Variants in WBP2NL observed in about 807,000 individuals in gnomAD.
The protein encoded by WBP2NL is WBP2 N-terminal like.
A neutral mutation model predicts 23.3 loss-of-function variants in WBP2NL; 27 were observed. That is an observed-to-expected ratio of 1.16 (90% CI 0.85 to 1.60). The LOEUF (loss-of-function observed/expected upper bound fraction) is 1.60, where lower values mean the gene tolerates loss of function less well. Ranked by LOEUF, WBP2NL falls within the 40% of genes most tolerant of loss-of-function variation. The probability of loss-of-function intolerance (pLI) is 0.00; values close to 1 mark genes in which losing one functional copy is unlikely to be tolerated. For missense variants in WBP2NL, 370 were observed against 389.5 expected (o/e 0.95, Z 0.42); for synonymous variants, 151 against 145.9 (o/e 1.03, Z -0.25).
At chr22:42,011,954 T>A (rs905134349) in intron 1 of WBP2NL, among the ~76,000 whole-genome samples, 2 of 152,018 alleles carry the variant, frequency 1.3e-5, no homozygotes, top group Admixed American at 1.3e-4. Flanking sequence ...TTTGAATGTT[T>A]ATACTAGAGA....
intron 4 of WBP2NL, among the ~76,000 whole-genome samples, chr22:42,021,904 C>G (rs1015468019): frequency 6.6e-6 from 1 of 151,728 alleles, no homozygotes; most frequent in Admixed American, 6.6e-5. Flanking sequence ...TCAAGCAATC[C>G]TCCTGCCTCA....
intron 1 of WBP2NL, among the ~76,000 whole-genome samples, chr22:42,016,392 C>G (rs1022504469): frequency 2.0e-5 from 3 of 152,216 alleles, no homozygotes; most frequent in African/African-American, 7.2e-5. Flanking sequence ...ACAAGTCAAA[C>G]TACAATTTTT....
intron 8 of WBP2NL, among the ~76,000 whole-genome samples, chr22:42,053,909 A>T (rs1925932925): frequency 6.6e-6 from 1 of 152,044 alleles, no homozygotes; most frequent in South Asian, 2.1e-4. Context: ...GGAGTATATG[A>T]TTTACAAATG....
At chr22:42,041,043 C>T (rs1211835789) in intron 8 of WBP2NL, among the ~76,000 whole-genome samples, 1 of 152,168 alleles carries the variant, frequency 6.6e-6, no homozygotes, top group Non-Finnish European at 1.5e-5. Context: ...CCTCTTTCTT[C>T]ATATCTGTCC....
intron 5 of WBP2NL, among the ~76,000 whole-genome samples, chr22:42,024,219 A>G (rs1489732723): frequency 6.6e-6 from 1 of 152,194 alleles, no homozygotes; most frequent in Non-Finnish European, 1.5e-5. Flanking sequence ...ATATACCACA[A>G]TTTGTGTATT....
intron 1 of WBP2NL, among the ~76,000 whole-genome samples, chr22:42,017,192 C>G (rs545311775): frequency 6.6e-6 from 1 of 152,262 alleles, no homozygotes; most frequent in East Asian, 1.9e-4. Context: ...CAGTGGATCA[C>G]TGCAATCTGT....
chr22:42,057,208 C>G (rs1000628788), intron 8 of WBP2NL, among the ~76,000 whole-genome samples: 3 of 152,074 alleles, frequency 2.0e-5, no homozygotes, highest in African/African-American at 7.2e-5. Context: ...AAGTTTTGCT[C>G]ATTGTTCTTC....
chr22:42,054,195 AT>A lies in WBP2NL; in HGVS notation c.*274-4085del, dbSNP rs1367640306. Among the ~76,000 whole-genome samples the A allele has an allele frequency of 3.3e-5, 5 of 150,248 alleles. No homozygotes were observed. The South Asian group carries it at 8.4e-4, about 25-fold the overall frequency. On this transcript the variant is annotated intron_variant and NMD_transcript_variant, in intron 8 of 8. Coordinates refer to the WBP2NL transcript ENST00000436265. ...TGATTGCTTCTGATTTAAAAAAAAA[AT>A]TTTTTTTTTGAGACAGAGTCTCACA...
chr22:42,003,623 A>G (rs1921924179), intron 1 of WBP2NL, among the ~76,000 whole-genome samples: 1 of 152,224 alleles, frequency 6.6e-6, no homozygotes, highest in South Asian at 2.1e-4. Flanking sequence ...GAAACTAAAA[A>G]AACTTGAGCA....
At chr22:42,025,252 C>T (rs565128896) in intron 5 of WBP2NL, among the ~76,000 whole-genome samples, 1 of 152,288 alleles carries the variant, frequency 6.6e-6, no homozygotes, top group Admixed American at 6.5e-5. Context: ...ATAGTTTTAG[C>T]TCTTATATCA....
At chr22:42,018,144 C>T (rs1905601642) in intron 1 of WBP2NL, among the ~76,000 whole-genome samples, 1 of 124,412 alleles carries the variant, frequency 8.0e-6, no homozygotes, top group Admixed American at 8.4e-5. Flanking sequence ...AGCAAGACTT[C>T]TCTCAAAAAA....
chr22:42,006,523 G>A lies in WBP2NL; in HGVS notation c.62+7643G>A, dbSNP rs560217697. On this transcript the variant is annotated intron_variant, in intron 1 of 5. Transcript: ENST00000328823. ...GCTGGCATTACAGGCGTGAGCCACCGCTCCCAGCCGGCTTTGTTTCCTAAT... is the reference window on the plus strand; with the variant it reads ...GCTGGCATTACAGGCGTGAGCCACCACTCCCAGCCGGCTTTGTTTCCTAAT... Among the ~76,000 whole-genome samples, 21 of 152,234 alleles carry A rather than the reference G, an allele frequency of 1.4e-4. No homozygotes were observed. In the South Asian group the frequency reaches 2.5e-3, roughly 18 times the overall value.
At chr22:42,004,365 C>T (rs752721512) in intron 1 of WBP2NL, among the ~76,000 whole-genome samples, 12 of 151,476 alleles carry the variant, frequency 7.9e-5, no homozygotes, top group Non-Finnish European at 1.6e-4. Flanking sequence ...AGGCTGAGGT[C>T]GGTGGATCAC....
At chr22:42,050,964 T>C (rs1204076208) in intron 8 of WBP2NL, among the ~76,000 whole-genome samples, 1 of 152,226 alleles carries the variant, frequency 6.6e-6, no homozygotes, top group Non-Finnish European at 1.5e-5. Flanking sequence ...ACTCTTACCA[T>C]ATGTCCCAGC....
intron 8 of WBP2NL, among the ~76,000 whole-genome samples, chr22:42,042,299 TA>T (rs1454833631): frequency 6.6e-6 from 1 of 152,238 alleles, no homozygotes; most frequent in Non-Finnish European, 1.5e-5. Flanking sequence ...ATGTGTATAT[TA>T]GTTCACTTGA....
At chr22:42,005,919 A>C (rs1482086223) in intron 1 of WBP2NL, among the ~76,000 whole-genome samples, 2 of 152,208 alleles carry the variant, frequency 1.3e-5, no homozygotes, top group Non-Finnish European at 2.9e-5. Flanking sequence ...TCAAAGCAAA[A>C]GTGAACAGAC....
At chr22:42,046,388 T>C (rs1457453556) in intron 8 of WBP2NL, among the ~76,000 whole-genome samples, 1 of 152,216 alleles carries the variant, frequency 6.6e-6, no homozygotes, top group East Asian at 1.9e-4. Context: ...ATTAGAAAAT[T>C]AGGTTAATAA....
rs1242625349 is a variant in WBP2NL, at chr22:42,028,173, G to C, written c.*992G>C. 1.5e-5 allele frequency: 6 copies of C among 398,026 alleles called. No homozygotes were observed. The highest frequency in any genetic ancestry group is 1.0e-4 in the African/African-American group (5 of 48,580). The allele number at this position is 398,026 out of a possible 1,614,324, so 24.7% of individuals were successfully genotyped here. On this transcript the variant is annotated 3_prime_UTR_variant, in exon 6 of 6. Transcript: ENST00000328823. ...CCATTAATAGGAAATATATGAATAG[G>C]CTATGGTATGCCCATACTACGTATG...
chr22:42,040,493 G>A (rs780913914), intron 8 of WBP2NL, among the ~76,000 whole-genome samples: 2 of 152,180 alleles, frequency 1.3e-5, no homozygotes, highest in African/African-American at 2.4e-5. Context: ...AAAGTGCTGG[G>A]ATAACAGGTG....
Sources: gnomAD v4.1 joint callset for allele counts (sites outside exome capture counted in the v4.1 genomes callset) on GRCh38, gnomAD v4.1.1 for gene constraint, MANE v1.5 for transcripts, NCBI Gene and HGNC (gene_info 2026-07-23, HGNC 2026-07-21) for gene names.